The following CEP128 variants were observed in gnomAD, a reference collection of about 807,000 sequenced individuals.
The protein encoded by CEP128 is centrosomal protein 128kDa.
CEP128 carries 132 observed loss-of-function variants against 156.7 expected under a neutral mutation model. That is an observed-to-expected ratio of 0.84 (90% CI 0.73 to 0.97). CEP128 has a LOEUF of 0.97. Among genes scored for constraint, CEP128 ranks in the 50% least tolerant of loss-of-function variants. CEP128 has a pLI of 0.00. For synonymous variants in CEP128, 469 were observed against 448.9 expected, an observed-to-expected ratio of 1.04 and a Z score of -0.57; for missense variants, 1,252 against 1,281.9, an observed-to-expected ratio of 0.98 and a Z score of 0.36.
In CEP128 at chr14:80,792,880, T is replaced by C; in HGVS notation, c.1440A>G (p.Glu480=). The part of the protein sequence containing the change: ...ALKEEAEKRR[E]DLKLKAQESI... ...ATTCTTGAGCTTTCAGTTTCAGGTC[T>C]TCCCTCCTCTTCTCCGCCTCCTCTT... The change falls in exon 14 of 25, where the codon GAA becomes GAG. Residue 480 remains glutamate, a synonymous_variant. Transcript: ENST00000555265. The C allele has an allele frequency of 1.2e-6, 2 of 1,614,202 alleles. No homozygotes were observed. The highest frequency in any genetic ancestry group is 1.7e-6 in the Non-Finnish European group (2 of 1,180,018).
At chr14:80,689,741 G>A (rs763264100) in intron 19 of CEP128, among the ~76,000 whole-genome samples, 1 of 151,982 alleles carries the variant, frequency 6.6e-6, no homozygotes, top group Non-Finnish European at 1.5e-5. Flanking sequence ...GTATATAACA[G>A]GCTTATTACA....
In CEP128 at chr14:80,663,981, C is replaced by T. The variant is rs147650519; in HGVS notation, c.2806+79094G>A. On this transcript the variant is annotated intron_variant, in intron 19 of 24. Transcript: ENST00000555265. ...CCCACCGCCTACATCTCTACAATTC[C>T]AAAATTCTCAGCAGCCCCCAATATA... 1.1e-3 allele frequency among the ~76,000 whole-genome samples: 175 copies of T among 152,286 alleles called. 1 individual carries two copies. Among genetic ancestry groups the T allele is most frequent in the Admixed American group, 2.1e-3 (32 of 15,288 alleles).
At chr14:80,845,956 C>T (rs1375503015) in intron 9 of CEP128, among the ~76,000 whole-genome samples, 3 of 152,146 alleles carry the variant, frequency 2.0e-5, no homozygotes, top group Admixed American at 2.0e-4. Flanking sequence ...ATCCTGCACA[C>T]AGAAAATCTC....
rs149624109 is a variant in CEP128 at position 80,620,901 on chromosome 14, G to A, written c.2807-40478C>T. Among the ~76,000 whole-genome samples the A allele has an allele frequency of 1.3e-4, 20 of 152,256 alleles. No individual in the cohort carries two copies. In the East Asian group the frequency reaches 3.7e-3, roughly 28 times the overall value. On this transcript the variant is annotated intron_variant, in intron 19 of 24. Transcript: ENST00000555265. ...ACAAATAGCATGTACTTCCAAACACGTAGAGATGAAAAGTGTGCAGAAAAT... is the reference window on the plus strand; with the variant it reads ...ACAAATAGCATGTACTTCCAAACACATAGAGATGAAAAGTGTGCAGAAAAT...
chr14:80,748,814 C>A (rs557452074), intron 18 of CEP128, among the ~76,000 whole-genome samples: 1 of 152,028 alleles, frequency 6.6e-6, no homozygotes, highest in Non-Finnish European at 1.5e-5. Flanking sequence ...CGACTCAAGC[C>A]ACAGTAAAAT....
intron 13 of CEP128, among the ~76,000 whole-genome samples, chr14:80,809,180 A>C (rs1009655368): frequency 6.6e-6 from 1 of 152,210 alleles, no homozygotes; most frequent in African/African-American, 2.4e-5. Context: ...TATCATAAAA[A>C]TGAACCAGAC....
chr14:80,490,180 T>C (rs948133907), downstream of CEP128, among the ~76,000 whole-genome samples: 1 of 152,088 alleles, frequency 6.6e-6, no homozygotes, highest in Non-Finnish European at 1.5e-5. Flanking sequence ...CAGTTATCAG[T>C]CTTTCAGGGA....
chr14:80,655,974 C>T (rs1390251411), intron 19 of CEP128, among the ~76,000 whole-genome samples: 1 of 151,812 alleles, frequency 6.6e-6, no homozygotes, highest in Non-Finnish European at 1.5e-5. Context: ...AAGTGACCTA[C>T]TAATAAGACC....
chr14:80,497,590 G>T lies in CEP128; in HGVS notation c.3182-8C>A, dbSNP rs1338486017. The T allele has an allele frequency of 2.5e-6, 4 of 1,592,654 alleles. No homozygotes were observed. The African/African-American group carries it at 5.4e-5, about 21-fold the overall frequency. ...CAGTTCTTTTGGTAAATGCTGGCAA[G>T]GTAAGAAGAAAAAGAAAAATAAACC... On this transcript the variant is annotated splice_region_variant and splice_polypyrimidine_tract_variant and intron_variant, in intron 24 of 24. Transcript: ENST00000555265.
At chr14:80,532,803 G>T (rs886640429) in intron 21 of CEP128, among the ~76,000 whole-genome samples, 1 of 152,124 alleles carries the variant, frequency 6.6e-6, no homozygotes, top group African/African-American at 2.4e-5. Flanking sequence ...GTTTTGACAC[G>T]TGTAAATCAG....
intron 8 of CEP128, among the ~76,000 whole-genome samples, chr14:80,882,056 G>A (rs1212981212): frequency 1.3e-5 from 2 of 152,100 alleles, no homozygotes; most frequent in East Asian, 3.9e-4. Flanking sequence ...AACAAGCACA[G>A]GCAATCAGAG....
At chr14:80,765,601 A>T (rs760158843) in intron 16 of CEP128, among the ~76,000 whole-genome samples, 1 of 152,184 alleles carries the variant, frequency 6.6e-6, no homozygotes, top group Non-Finnish European at 1.5e-5. Flanking sequence ...TTTCAGGGTG[A>T]AAGGACACAG....
intron 2 of CEP128, chr14:80,955,613 C>T: frequency 6.3e-7 from 1 of 1,598,304 alleles, no homozygotes; most frequent in Admixed American, 1.7e-5. Context: ...CCTGGGGTAA[C>T]CCGAGGTGCA....
At chr14:80,786,925 T>C (rs1185923095) in intron 14 of CEP128, among the ~76,000 whole-genome samples, 2 of 151,932 alleles carry the variant, frequency 1.3e-5, no homozygotes, top group African/African-American at 4.8e-5. Flanking sequence ...CTGGGCAACA[T>C]AGCAAGACCC....
rs911722841 is a variant in CEP128, at chr14:80,564,260, A to G, written c.2857-4958T>C. On this transcript the variant is annotated intron_variant, in intron 20 of 24. Transcript: ENST00000555265. ...ACTCTTAATGACTGTACATGTAGTC[A>G]CTGCATAGATATTGGATTACAATGG... Among the ~76,000 whole-genome samples the G allele has an allele frequency of 5.9e-5, 9 of 152,358 alleles. No individual in the cohort carries two copies. The South Asian group carries it at 1.9e-3, about 32-fold the overall frequency.
chr14:80,618,201 C>A (rs1300220286), intron 19 of CEP128, among the ~76,000 whole-genome samples: 1 of 152,190 alleles, frequency 6.6e-6, no homozygotes, highest in African/African-American at 2.4e-5. Flanking sequence ...ACCTTTCCAT[C>A]AATTTTATTC....
chr14:80,883,418 C>A (rs1462442853), intron 8 of CEP128, among the ~76,000 whole-genome samples: 1 of 151,756 alleles, frequency 6.6e-6, no homozygotes, highest in East Asian at 1.9e-4. Context: ...AATCAACATA[C>A]AAAACTCAGT....
intron 21 of CEP128, among the ~76,000 whole-genome samples, chr14:80,533,452 A>G (rs1889323968): frequency 6.6e-6 from 1 of 152,196 alleles, no homozygotes; most frequent in Non-Finnish European, 1.5e-5. Context: ...TGTAAAACGC[A>G]GCATGTTAAG....
intron 13 of CEP128, among the ~76,000 whole-genome samples, chr14:80,807,244 A>T (rs1884232882): frequency 6.6e-6 from 1 of 152,184 alleles, no homozygotes; most frequent in Admixed American, 6.5e-5. Flanking sequence ...AATTCAAGAC[A>T]TGGCTCCTAA....
Sources: gnomAD v4.1 joint callset for allele counts (sites outside exome capture counted in the v4.1 genomes callset) on GRCh38, gnomAD v4.1.1 for gene constraint, MANE v1.5 for transcripts, NCBI Gene and HGNC (gene_info 2026-07-23, HGNC 2026-07-21) for gene names.